Variants in CNTN5 observed in about 807,000 individuals in gnomAD.
CNTN5 encodes the protein contactin-5.
CNTN5 carries 77 observed loss-of-function variants against 129.1 expected under a neutral mutation model. That is an observed-to-expected ratio of 0.60 (90% confidence interval 0.50 to 0.72). The LOEUF is 0.72. CNTN5 is among the 30% of genes least tolerant of loss of function. CNTN5 has a pLI of 0.00. For missense variants in CNTN5, 1,478 were observed against 1,328.8 expected (o/e 1.11, Z -1.75); for synonymous variants, 509 against 465.6 (o/e 1.09, Z -1.20).
chr11:99,119,051 A>G (rs1858179498), intron 1 of CNTN5, among the ~76,000 whole-genome samples: 2 of 152,092 alleles, frequency 1.3e-5, no homozygotes, highest in Admixed American at 1.3e-4. Flanking sequence ...AGGCCTCACA[A>G]TGAAAATTTT....
chr11:99,201,712 G>C (rs781519474), intron 1 of CNTN5, among the ~76,000 whole-genome samples: 31 of 152,104 alleles, frequency 2.0e-4, no homozygotes, highest in Middle Eastern at 3.2e-3. Flanking sequence ...TGTAACTATG[G>C]AGGAAAGGCA....
At chr11:99,234,625 T>C (rs1214100291) in intron 1 of CNTN5, among the ~76,000 whole-genome samples, 2 of 152,138 alleles carry the variant, frequency 1.3e-5, no homozygotes, top group Admixed American at 1.3e-4. Context: ...TCCAAGTCAG[T>C]TATTTCATCT....
chr11:99,432,464 C>CTTTTCTTTTCTTTTCTTTT (rs1555143589), intron 2 of CNTN5, among the ~76,000 whole-genome samples: 41 of 116,420 alleles, frequency 3.5e-4, no homozygotes, highest in African/African-American at 9.6e-4. Context: ...TCTTTTCTTT[C>CTTTTCTTTTCTTTTCTTTT]CTTTTCTTTT....
At chr11:100,153,820 T>C (rs1947142832) in intron 13 of CNTN5, among the ~76,000 whole-genome samples, 1 of 152,054 alleles carries the variant, frequency 6.6e-6, no homozygotes, top group African/African-American at 2.4e-5. Flanking sequence ...ATGCTAACTT[T>C]TGTTTATATA....
intron 1 of CNTN5, among the ~76,000 whole-genome samples, chr11:99,230,558 G>C (rs543813945): frequency 6.6e-6 from 1 of 152,228 alleles, no homozygotes; most frequent in South Asian, 2.1e-4. Flanking sequence ...TACATAAAAG[G>C]TTTTGTCATA....
chr11:99,225,533 C>T (rs1860638743), intron 1 of CNTN5, among the ~76,000 whole-genome samples: 1 of 152,118 alleles, frequency 6.6e-6, no homozygotes, highest in Admixed American at 6.5e-5. Flanking sequence ...GAGAAATCCG[C>T]CTATCTGTTG....
At chr11:99,496,943 A>T (rs944822132) in intron 2 of CNTN5, among the ~76,000 whole-genome samples, 1 of 152,230 alleles carries the variant, frequency 6.6e-6, no homozygotes, top group East Asian at 1.9e-4. Context: ...TAGGCTTTTA[A>T]TATCGTCGGC....
intron 2 of CNTN5, among the ~76,000 whole-genome samples, chr11:99,470,448 T>C (rs1200321662): frequency 6.6e-6 from 1 of 152,186 alleles, no homozygotes; most frequent in Non-Finnish European, 1.5e-5. Context: ...AGTTCATTTA[T>C]ATATTTACTT....
intron 1 of CNTN5, among the ~76,000 whole-genome samples, chr11:99,234,267 C>T (rs895309048): frequency 2.6e-5 from 4 of 151,246 alleles, no homozygotes; most frequent in Admixed American, 6.6e-5. Flanking sequence ...TGGACGGGGA[C>T]GGGGGATGAA....
intron 3 of CNTN5, among the ~76,000 whole-genome samples, chr11:99,634,356 G>A (rs1231682623): frequency 6.6e-6 from 1 of 152,138 alleles, no homozygotes; most frequent in Admixed American, 6.5e-5. Context: ...TTACTAACAA[G>A]TCAAATTAGA....
chr11:100,012,210 T>G (rs1221552989), intron 9 of CNTN5, among the ~76,000 whole-genome samples: 1 of 152,146 alleles, frequency 6.6e-6, no homozygotes, highest in Non-Finnish European at 1.5e-5. Flanking sequence ...TGCTTTAGTA[T>G]GGTTGAGATG....
chr11:99,967,327 C>G (rs1437935319), intron 8 of CNTN5, among the ~76,000 whole-genome samples: 3 of 152,082 alleles, frequency 2.0e-5, no homozygotes, highest in East Asian at 1.9e-4. Context: ...AAAAATTATT[C>G]TCATGCATTC....
At chr11:99,767,606 A>G (rs1944797820) in intron 3 of CNTN5, among the ~76,000 whole-genome samples, 1 of 121,838 alleles carries the variant, frequency 8.2e-6, no homozygotes, top group South Asian at 3.2e-4. Flanking sequence ...ATTGATTACT[A>G]TTAATTTTAA....
intron 2 of CNTN5, among the ~76,000 whole-genome samples, chr11:99,464,573 G>A (rs1019436195): frequency 6.6e-6 from 1 of 152,114 alleles, no homozygotes; most frequent in African/African-American, 2.4e-5. Flanking sequence ...AGGAAAAGGT[G>A]TCTGTTTCTT....
intron 2 of CNTN5, among the ~76,000 whole-genome samples, chr11:99,419,628 G>GT (rs1942800768): frequency 6.6e-6 from 1 of 152,208 alleles, no homozygotes; most frequent in East Asian, 1.9e-4. Context: ...TGAAGGGCAT[G>GT]TATCATTCCC....
chr11:99,859,484 G>T (rs904059186), intron 6 of CNTN5, among the ~76,000 whole-genome samples: 1 of 152,136 alleles, frequency 6.6e-6, no homozygotes, highest in Non-Finnish European at 1.5e-5. Flanking sequence ...GAACCCAGTA[G>T]TTAGTTTCTC....
intron 13 of CNTN5, among the ~76,000 whole-genome samples, chr11:100,154,129 C>T (rs1273262549): frequency 6.6e-6 from 1 of 152,044 alleles, no homozygotes; most frequent in East Asian, 1.9e-4. Flanking sequence ...GAACAAGCCC[C>T]TGTGTGTGAT....
intron 13 of CNTN5, among the ~76,000 whole-genome samples, chr11:100,132,522 T>A (rs1037130355): frequency 6.6e-6 from 1 of 152,170 alleles, no homozygotes; most frequent in African/African-American, 2.4e-5. Flanking sequence ...GGTTTTGAGA[T>A]ATATTTGTCA....
intron 2 of CNTN5, among the ~76,000 whole-genome samples, chr11:99,331,303 T>G (rs2136026742): frequency 6.6e-6 from 1 of 152,206 alleles, no homozygotes; most frequent in East Asian, 1.9e-4. Context: ...TAAATTGTGC[T>G]AGTAAAATAT....
Sources: gnomAD v4.1 joint callset for allele counts (sites outside exome capture counted in the v4.1 genomes callset) on GRCh38, gnomAD v4.1.1 for gene constraint, MANE v1.5 for transcripts, NCBI Gene and HGNC (gene_info 2026-07-23, HGNC 2026-07-21) for gene names.